Variants in ATP9A observed in about 807,000 individuals in gnomAD.
ATP9A encodes probable phospholipid-transporting ATPase IIA.
In ATP9A, 52 loss-of-function variants were observed where a neutral mutation model predicts 144.1. The observed-to-expected ratio is 0.36, with a 90% CI of 0.29 to 0.45. The LOEUF (loss-of-function observed/expected upper bound fraction) is 0.45, where lower values mean the gene tolerates loss of function less well. Ranked by LOEUF, ATP9A falls within the 20% of genes least tolerant of loss-of-function variation. The pLI is 1.00. For synonymous variants in ATP9A, 582 were observed against 557.4 expected (o/e 1.04, Z -0.62); for missense variants, 947 against 1,392.7 (o/e 0.68, Z 5.09).
At chr20:51,695,848 G>A (rs927174492) in intron 6 of ATP9A, among the ~76,000 whole-genome samples, 2 of 152,186 alleles carry the variant, frequency 1.3e-5, no homozygotes, top group Admixed American at 6.5e-5. Context: ...CACTGTATGC[G>A]TGACTTTACC....
rs1491067807 is a variant in ATP9A at position 51,600,806 on chromosome 20, A to AC, written c.*404_*405insG. On this transcript the variant is annotated 3_prime_UTR_variant, in exon 28 of 28. Coordinates refer to ENST00000338821, the MANE Select transcript of ATP9A (RefSeq NM_006045.3). ...GTACATACACATTAGGACTCTTTAAAAACACACACACACACACACACACAC... is the reference window on the plus strand; with the variant it reads ...GTACATACACATTAGGACTCTTTAAACAACACACACACACACACACACACAC... 7.0e-4 allele frequency: 60 copies of AC among 86,004 alleles called. No homozygotes were observed. The highest frequency in any genetic ancestry group is 1.6e-3 in the African/African-American group (39 of 24,576). The allele number at this position is 86,004 out of a possible 1,614,324, so 5.3% of individuals were successfully genotyped here.
chr20:51,736,262 AC>A (rs1300609718), intron 1 of ATP9A, among the ~76,000 whole-genome samples: 1 of 152,328 alleles, frequency 6.6e-6, no homozygotes, highest in East Asian at 1.9e-4. Flanking sequence ...TGGGGGGCGG[AC>A]AACACAGGGC....
intron 1 of ATP9A, among the ~76,000 whole-genome samples, chr20:51,744,491 T>C (rs570614323): frequency 9.2e-4 from 140 of 152,286 alleles, no homozygotes; most frequent in African/African-American, 2.9e-3. Context: ...AAAACCAAAA[T>C]TGATTTTCTT....
chr20:51,608,043 CAAA>C (rs11482003), intron 25 of ATP9A, among the ~76,000 whole-genome samples: 1 of 116,486 alleles, frequency 8.6e-6, no homozygotes, highest in Admixed American at 8.9e-5. Flanking sequence ...GAATTAGTCT[CAAA>C]AAAAAAAAAA....
intron 13 of ATP9A, among the ~76,000 whole-genome samples, chr20:51,662,390 C>G (rs1046604424): frequency 1.3e-5 from 2 of 151,784 alleles, no homozygotes; most frequent in Non-Finnish European, 2.9e-5. Context: ...ACTAAAGATA[C>G]AAAAATTAGC....
In ATP9A at chr20:51,597,957, C is replaced by A. The variant is rs185738321; in HGVS notation, c.*3254G>T. On this transcript the variant is annotated 3_prime_UTR_variant, in exon 28 of 28. Coordinates refer to ENST00000338821, the MANE Select transcript of ATP9A (RefSeq NM_006045.3). ...GAATTTTACAATGCTAGTTCCAGCA[C>A]GTGGTCTAATGGCCCCAGGGGCTGG... is the stretch of plus-strand genomic sequence containing the variant. The A allele has an allele frequency of 1.3e-5, 2 of 151,934 alleles. No individual in the cohort carries two copies. The highest frequency in any genetic ancestry group is 2.4e-5 in the African/African-American group (1 of 41,348). 9.4% of individuals were successfully genotyped at this position (151,934 alleles called of 1,614,324 possible).
intron 2 of ATP9A, among the ~76,000 whole-genome samples, chr20:51,729,549 G>A (rs8117007): frequency 0.068 from 10,280 of 152,006 alleles, 793 homozygotes; most frequent in African/African-American, 0.19. Context: ...GTTCAAGACC[G>A]GCCTGGCCAA....
chr20:51,755,680 G>T (rs1462213014), intron 1 of ATP9A, among the ~76,000 whole-genome samples: 3 of 151,096 alleles, frequency 2.0e-5, no homozygotes, highest in Admixed American at 2.0e-4. Context: ...AATGTTCATA[G>T]CAGCCGGGCG....
Position 51,671,171 on chromosome 20 carries a change from G to C in ATP9A, c.1124C>G (p.Ser375Cys). The change falls in exon 12 of 28, where the codon TCC becomes TGC. Residue 375 changes from serine (S) to cysteine (C), a missense_variant. By Grantham distance (112) the Ser-to-Cys change is moderately radical. This residue lies in a region of ATP9A where 770 missense variants were observed against 1,047.9 expected (regional missense o/e 0.73). Transcript: ENST00000338821. ...DSKIPGTVVR[S>C]STIPEQLGRI... ...GCCCAGCTGCTCAGGAATCGTGCTGGAGCGAACCACGGTCCCGGGGATTTT... is the reference window on the plus strand; with the variant it reads ...GCCCAGCTGCTCAGGAATCGTGCTGCAGCGAACCACGGTCCCGGGGATTTT... 1.2e-6 allele frequency: 2 copies of C among 1,614,110 alleles called. No individual in the cohort carries two copies. Among genetic ancestry groups the C allele is most frequent in the South Asian group, 2.2e-5 (2 of 91,074 alleles).
At chr20:51,648,771 G>A (rs1180051275) in intron 14 of ATP9A, among the ~76,000 whole-genome samples, 2 of 152,162 alleles carry the variant, frequency 1.3e-5, no homozygotes, top group Non-Finnish European at 2.9e-5. Context: ...GGTCAAGGCT[G>A]CAGTGAGCCA....
intron 1 of ATP9A, among the ~76,000 whole-genome samples, chr20:51,756,623 C>T (rs1338734531): frequency 6.6e-6 from 1 of 152,014 alleles, no homozygotes; most frequent in East Asian, 1.9e-4. Context: ...CCTATAAGGT[C>T]ACCGGGCTGG....
intron 1 of ATP9A, among the ~76,000 whole-genome samples, chr20:51,730,360 CAGGAGGCTGA>C (rs1158830723): frequency 1.3e-5 from 2 of 152,148 alleles, no homozygotes; most frequent in Non-Finnish European, 2.9e-5. Context: ...CCCAGCTACT[CAGGAGGCTGA>C]GGGAGGATAA....
intron 11 of ATP9A, among the ~76,000 whole-genome samples, chr20:51,671,804 CT>C (rs905695340): frequency 1.5e-4 from 23 of 149,578 alleles, no homozygotes; most frequent in Non-Finnish European, 1.3e-4. Flanking sequence ...AATTTGACTA[CT>C]TTTTTTTTTT....
At chr20:51,760,486 G>A (rs1033293525) in intron 1 of ATP9A, among the ~76,000 whole-genome samples, 6 of 152,176 alleles carry the variant, frequency 3.9e-5, no homozygotes, top group African/African-American at 9.7e-5. Context: ...CAGCACTTTG[G>A]GAGGCCAAGG....
chr20:51,749,356 G>A (rs975267108), intron 1 of ATP9A, among the ~76,000 whole-genome samples: 7 of 151,974 alleles, frequency 4.6e-5, no homozygotes, highest in Admixed American at 1.3e-4. Flanking sequence ...TCCGCCTCCC[G>A]GATTCAAGCA....
intron 9 of ATP9A, among the ~76,000 whole-genome samples, chr20:51,681,814 G>A (rs1464336079): frequency 2.0e-5 from 3 of 152,190 alleles, no homozygotes; most frequent in Admixed American, 2.0e-4. Context: ...GACCGGCAAC[G>A]GACCTCAGCA....
intron 1 of ATP9A, among the ~76,000 whole-genome samples, chr20:51,757,671 G>A (rs879810558): frequency 6.6e-6 from 1 of 152,170 alleles, no homozygotes; most frequent in African/African-American, 2.4e-5. Flanking sequence ...TTGACAGGCA[G>A]AGGTTGGCGG....
At position 51,713,051 on chromosome 20, in the gene ATP9A, G is replaced by C; in HGVS notation, c.351C>G (p.Val117=). ...VPLGFVLAVT[V]IREAVEEIRC... is the part of the protein sequence containing the mutation. ...GGATCTCCTCCACCGCCTCACGGAT[G>C]ACAGTGACGGCCAGCACGAAGCCCT... The change falls in exon 4 of 28, where the codon GTC becomes GTG. Residue 117 remains valine, a synonymous_variant. Coordinates refer to ENST00000338821, the MANE Select transcript of ATP9A (RefSeq NM_006045.3). 6.2e-7 allele frequency: 1 copy of C among 1,612,212 alleles called. No homozygotes were observed.
chr20:51,647,646 C>G (rs1455916191), intron 14 of ATP9A, among the ~76,000 whole-genome samples: 1 of 152,152 alleles, frequency 6.6e-6, no homozygotes, highest in Non-Finnish European at 1.5e-5. Flanking sequence ...AGGAGAATAG[C>G]TGGAACCCAG....
Sources: allele counts gnomAD v4.1 joint callset (sites outside exome capture counted in the v4.1 genomes callset), GRCh38; gene constraint gnomAD v4.1.1; regional missense constraint gnomAD v4.1.1; transcripts MANE v1.5; gene names NCBI Gene and HGNC (gene_info 2026-07-23, HGNC 2026-07-21).